OTOG: variants seen among roughly 807,000 people sequenced by gnomAD.
OTOG encodes the protein otogelin.
In OTOG, 296 loss-of-function variants were observed where a neutral mutation model predicts 313.8. That is an observed-to-expected ratio of 0.94 (90% CI 0.86 to 1.04). The LOEUF (loss-of-function observed/expected upper bound fraction) is 1.04. Ranked by LOEUF, OTOG falls within the 50% of genes least tolerant of loss-of-function variation. The probability of loss-of-function intolerance (pLI) is 0.00; values close to 1 mark genes in which losing one functional copy is unlikely to be tolerated. For missense variants in OTOG, 3,948 were observed against 3,840.1 expected (o/e 1.03, Z -0.74); for synonymous variants, 1,533 against 1,554.9 (o/e 0.99, Z 0.33).
In OTOG at chr11:17,612,235, A is replaced by C. The variant is rs770170338; in HGVS notation, c.6197A>C (p.His2066Pro). The change falls in exon 37 of 56, where the codon CAC (histidine) becomes CCC (proline). Residue 2066 changes from histidine (H) to proline (P), a missense_variant. His to Pro is a moderately conservative substitution (Grantham distance 77, BLOSUM62 -2). Transcript: ENST00000399397. Reference sequence around the variant, plus strand: ...CTGATTCGCGTGAATCAGTCCCAGCACTGTCCCCAGGGTGCTGCTCCCCCT... The same window carrying C: ...CTGATTCGCGTGAATCAGTCCCAGCCCTGTCCCCAGGGTGCTGCTCCCCCT... ...GQLIRVNQSQ[H>P]CPQGAAPPRC... 1.4e-5 allele frequency: 21 copies of C among 1,548,702 alleles called. No individual in the cohort carries two copies. The highest frequency in any genetic ancestry group is 1.7e-5 in the Non-Finnish European group (20 of 1,146,978).
At chr11:17,640,879 T>C in intron 50 of OTOG, 34 bp from the exon 51 acceptor site, 1 of 1,549,398 alleles carries the variant, frequency 6.5e-7, no homozygotes, top group Non-Finnish European at 8.7e-7. Flanking sequence ...GCCTGGGCTC[T>C]GGATGACTGT....
chr11:17,555,598 C>T (rs1852039123), intron 6 of OTOG, 181 bp from the exon 7 acceptor site: 10 of 556,588 alleles, frequency 1.8e-5, no homozygotes, highest in East Asian at 2.9e-5. Context: ...AGTCACTTCA[C>T]CTCTCTGTGA....
At chr11:17,629,394 C>A in intron 40 of OTOG, 78 bp downstream of exon 40, 1 of 1,428,554 alleles carries the variant, frequency 7.0e-7, no homozygotes, top group Non-Finnish European at 9.4e-7. Flanking sequence ...CCTCCTGGAG[C>A]AGGAAAGGCT....
intron 24 of OTOG, among the ~76,000 whole-genome samples, chr11:17,588,515 G>A (rs1852858858): frequency 6.6e-6 from 1 of 152,154 alleles, no homozygotes; most frequent in Non-Finnish European, 1.5e-5. Flanking sequence ...ATGTAGGTGG[G>A]TGAATGACAG....
At chr11:17,552,800 A>C (rs1467833876) in intron 4 of OTOG, among the ~76,000 whole-genome samples, 1 of 152,174 alleles carries the variant, frequency 6.6e-6, no homozygotes, top group Non-Finnish European at 1.5e-5. Context: ...TGCTCACCCC[A>C]CATGCTCCCC....
chr11:17,555,707 C>G, intron 6 of OTOG, 72 bp from the exon 7 acceptor site: 2 of 1,269,738 alleles, frequency 1.6e-6, no homozygotes, highest in Non-Finnish European at 2.2e-6. Flanking sequence ...AGTGAAAACT[C>G]AATAAGGTGT....
chr11:17,630,578 C>T (rs944248169), intron 40 of OTOG, among the ~76,000 whole-genome samples: 3 of 152,188 alleles, frequency 2.0e-5, no homozygotes, highest in African/African-American at 7.2e-5. Flanking sequence ...GCTGGGCACC[C>T]TGCTAGACAA....
chr11:17,617,344 C>T (rs1432594322), intron 39 of OTOG, among the ~76,000 whole-genome samples: 1 of 151,972 alleles, frequency 6.6e-6, no homozygotes, highest in Non-Finnish European at 1.5e-5. Context: ...AAGTATTCTC[C>T]CCTTTTTAAT....
rs1001983146 is a variant in OTOG at position 17,557,166 on chromosome 11, C to T, written c.708C>T (p.Ala236=). 1.4e-5 allele frequency: 22 copies of T among 1,550,440 alleles called. No homozygotes were observed. Among genetic ancestry groups the T allele is most frequent in the East Asian group, 7.3e-5 (3 of 40,930 alleles). Residue 236 remains alanine (A), a synonymous_variant, in exon 8 of 56, where the codon GCC becomes GCT. Transcript: ENST00000399397. The stretch of plus-strand genomic sequence containing the variant: ...GGAGCGCGCGTCTGCAGCAGCTTGC[C>T]GGCTATGTCATCGTGCGGCATCAGT... ...VMGSARLQQL[A]GYVIVRHQSA... is the part of the protein sequence containing the mutation.
chr11:17,618,158 C>T (rs1853772162), intron 39 of OTOG, among the ~76,000 whole-genome samples: 1 of 152,170 alleles, frequency 6.6e-6, no homozygotes, highest in Non-Finnish European at 1.5e-5. Flanking sequence ...GCCTTGGCCT[C>T]CCAAAGTGCT....
intron 23 of OTOG, among the ~76,000 whole-genome samples, chr11:17,584,611 C>T (rs971401405): frequency 6.6e-6 from 1 of 152,072 alleles, no homozygotes; most frequent in African/African-American, 2.4e-5. Context: ...CTGCAACCTC[C>T]ACCTCCCAGG....
At chr11:17,559,784 G>T in intron 12 of OTOG, 122 bp downstream of exon 12, 1 of 288,754 alleles carries the variant, frequency 3.5e-6, no homozygotes, top group Admixed American at 4.0e-5. Flanking sequence ...GGGAGGGAGG[G>T]AGGGAGGAAG....
intron 8 of OTOG, 68 bp downstream of exon 8, chr11:17,557,391 G>T (rs1852079740): frequency 1.4e-6 from 2 of 1,442,170 alleles, no homozygotes; most frequent in Non-Finnish European, 9.5e-7. Context: ...GCTGGGAGGG[G>T]TTGGAGGGGA....
Position 17,612,779 on chromosome 11 carries a change from AC to A in OTOG, c.6438+16del. 2 of 1,548,324 alleles carry A rather than the reference AC, an allele frequency of 1.3e-6. No homozygotes were observed. The highest frequency in any genetic ancestry group is 1.7e-6 in the Non-Finnish European group (2 of 1,145,940). ...AGTGCCAACCTGGTGCCTGCCCCAT[AC>A]CTCCCTCCCTGCTGGGGACTAGGAA... On this transcript the variant is annotated intron_variant, in intron 38 of 55. Coordinates refer to ENST00000399397, the MANE Select transcript of OTOG (RefSeq NM_001292063.2).
intron 17 of OTOG, among the ~76,000 whole-genome samples, chr11:17,571,095 A>G (rs2240490): frequency 0.47 from 71,783 of 152,092 alleles, 17,947 homozygotes; most frequent in African/African-American, 0.63. Flanking sequence ...GGAAACAGGG[A>G]AGGCATTCTT....
intron 52 of OTOG, 75 bp from the exon 53 acceptor site, chr11:17,642,052 G>T (rs773967594): frequency 2.5e-5 from 38 of 1,517,674 alleles, no homozygotes; most frequent in Admixed American, 8.2e-5. Flanking sequence ...GTACAAACAG[G>T]CTCCCAGACC....
chr11:17,612,158 C>T lies in OTOG; in HGVS notation c.6124-4C>T. The T allele has an allele frequency of 1.9e-6, 3 of 1,549,324 alleles. No individual in the cohort carries two copies. The highest frequency in any genetic ancestry group is 2.6e-6 in the Non-Finnish European group (3 of 1,146,960). On this transcript the variant is annotated splice_polypyrimidine_tract_variant and splice_region_variant and intron_variant, in intron 36 of 55. Transcript: ENST00000399397. ...CACTCACACTTCCTCCACTCTGTAC[C>T]CAGCCAATCGCCGAGCAGGACTGCG...
chr11:17,572,094 T>A lies in OTOG; in HGVS notation c.1970T>A (p.Val657Glu). The stretch of plus-strand genomic sequence containing the variant: ...CATGGCTGCAGGTCTCCAGTGGGTG[T>A]ACCTGAGAGCACCCCACAACTTTTT... ...TQDDFLSPVG[V>E]PESTPQLFGN... The change falls in exon 18 of 56, where the codon GTA becomes GAA. Residue 657 changes from valine (V) to glutamate (E), a missense_variant. Physicochemically the swap from Val to Glu is moderately radical, Grantham distance 121. Coordinates refer to ENST00000399397, the MANE Select transcript of OTOG (RefSeq NM_001292063.2). 1 of 1,550,404 alleles carries A rather than the reference T, an allele frequency of 6.4e-7. No individual in the cohort carries two copies. Among genetic ancestry groups the A allele is most frequent in the Non-Finnish European group, 8.7e-7 (1 of 1,146,908 alleles).
chr11:17,630,286 C>T (rs1475295274), intron 40 of OTOG, among the ~76,000 whole-genome samples: 1 of 152,176 alleles, frequency 6.6e-6, no homozygotes, highest in Non-Finnish European at 1.5e-5. Flanking sequence ...ATCACTACCA[C>T]CATCTTTTTC....
Sources: allele counts gnomAD v4.1 joint callset (sites outside exome capture counted in the v4.1 genomes callset), GRCh38; gene constraint gnomAD v4.1.1; transcripts MANE v1.5; gene names NCBI Gene and HGNC (gene_info 2026-07-23, HGNC 2026-07-21).